The following PCDHA4 variants were observed in gnomAD, a reference collection of about 807,000 sequenced individuals.
PCDHA4 encodes the protein protocadherin alpha-4.
In PCDHA4, 49 loss-of-function variants were observed where a neutral mutation model predicts 61.4. The ratio of observed to expected loss-of-function variants is 0.80; its 90% CI spans 0.63 to 1.01. The LOEUF is 1.01. Among genes scored for constraint, PCDHA4 ranks in the 50% least tolerant of loss-of-function variants. The pLI, the probability that PCDHA4 is intolerant of heterozygous loss-of-function variation, is 0.00. For missense variants in PCDHA4, 1,254 were observed against 1,235.8 expected (o/e 1.01, Z -0.22); for synonymous variants, 590 against 550.3 (o/e 1.07, Z -1.01).
intron 1 of PCDHA4, among the ~76,000 whole-genome samples, chr5:140,831,530 T>C (rs1204695597): frequency 6.7e-6 from 1 of 150,262 alleles, no homozygotes; most frequent in Non-Finnish European, 1.5e-5. Flanking sequence ...CTTTTTTTTT[T>C]TTTTTTTTTT....
At chr5:140,870,502 A>G (rs781840750) in intron 1 of PCDHA4, 15 of 1,614,222 alleles carry the variant, frequency 9.3e-6, no homozygotes, top group Non-Finnish European at 1.2e-5. Context: ...GAAGGAGAAC[A>G]ACCCACCAGG....
chr5:140,882,174 CG>C, intron 1 of PCDHA4: 1 of 1,514,752 alleles, frequency 6.6e-7, no homozygotes, highest in South Asian at 1.4e-5. Flanking sequence ...CGAATCCTTC[CG>C]CACTAGGAAG....
At chr5:140,843,104 C>G (rs1327692669) in intron 1 of PCDHA4, 6 of 1,595,598 alleles carry the variant, frequency 3.8e-6, no homozygotes, top group Non-Finnish European at 4.3e-6. Context: ...AGCGAAGGTG[C>G]GCGCAGTGGA....
intron 1 of PCDHA4, among the ~76,000 whole-genome samples, chr5:140,821,284 T>C (rs2150109169): frequency 6.6e-6 from 1 of 152,282 alleles, no homozygotes; most frequent in African/African-American, 2.4e-5. Context: ...TGGAAATATA[T>C]AAACTCCTCC....
At chr5:140,975,326 G>A (rs901942738) in intron 1 of PCDHA4, among the ~76,000 whole-genome samples, 2 of 152,216 alleles carry the variant, frequency 1.3e-5, no homozygotes, top group Non-Finnish European at 2.9e-5. Flanking sequence ...GTCCCATCCA[G>A]ATGATCTCCC....
chr5:140,978,217 A>G (rs1554239114), intron 1 of PCDHA4, among the ~76,000 whole-genome samples: 2 of 152,222 alleles, frequency 1.3e-5, no homozygotes, highest in East Asian at 1.9e-4. Flanking sequence ...TGCAAAATGT[A>G]TCAGGTTTTT....
intron 1 of PCDHA4, among the ~76,000 whole-genome samples, chr5:140,871,854 A>C (rs1271399215): frequency 6.6e-6 from 1 of 152,254 alleles, no homozygotes; most frequent in African/African-American, 2.4e-5. Context: ...TATGACCATA[A>C]TAACTATGGA....
At chr5:140,913,997 A>G (rs2076553878) in intron 1 of PCDHA4, among the ~76,000 whole-genome samples, 1 of 152,170 alleles carries the variant, frequency 6.6e-6, no homozygotes, top group Admixed American at 6.5e-5. Flanking sequence ...TGACTAGCAT[A>G]TGGTCTATCT....
At chr5:140,957,852 AT>A (rs5871756) in intron 1 of PCDHA4, among the ~76,000 whole-genome samples, 2 of 151,658 alleles carry the variant, frequency 1.3e-5, no homozygotes, top group African/African-American at 2.4e-5. Context: ...GAGTTTGTGT[AT>A]TTTTTTTCCT....
At chr5:140,857,712 T>C (rs781941638) in intron 1 of PCDHA4, 3 of 1,597,298 alleles carry the variant, frequency 1.9e-6, no homozygotes, top group Admixed American at 1.7e-5. Context: ...GTGTTCGTGC[T>C]GGACGAGAAC....
intron 1 of PCDHA4, chr5:140,883,145 T>C (rs2059462627): frequency 6.2e-7 from 1 of 1,613,988 alleles, no homozygotes; most frequent in Admixed American, 1.7e-5. Context: ...GGTATATGCA[T>C]TTACCATAAA....
rs1236174883 is a variant in PCDHA4 at position 140,948,633 on chromosome 5, C to T, written c.2386-30316C>T. Among the ~76,000 whole-genome samples the T allele has an allele frequency of 2.6e-5, 4 of 151,768 alleles. No individual in the cohort carries two copies. The East Asian group carries it at 7.7e-4, about 29-fold the overall frequency. ...GGCACAAAGTTGTTAATAATATTCTCTCATCTTTTAACGTCTGTATAATCT... is the reference window on the plus strand; with the variant it reads ...GGCACAAAGTTGTTAATAATATTCTTTCATCTTTTAACGTCTGTATAATCT... On this transcript the variant is annotated intron_variant, in intron 1 of 3. Transcript: ENST00000530339.
chr5:140,810,442 A>T (rs372953420), intron 1 of PCDHA4: 3 of 152,218 alleles, frequency 2.0e-5, no homozygotes, highest in Non-Finnish European at 4.4e-5. Context: ...ACCTGTTTAC[A>T]TTCCTAGTAG....
intron 1 of PCDHA4, among the ~76,000 whole-genome samples, chr5:140,951,776 T>C (rs1301757181): frequency 2.6e-5 from 4 of 152,140 alleles, no homozygotes; most frequent in East Asian, 1.9e-4. Context: ...CGTTCTTACA[T>C]TGCAAAATAC....
intron 1 of PCDHA4, chr5:140,967,270 C>G (rs782562333): frequency 6.2e-7 from 1 of 1,613,488 alleles, no homozygotes; most frequent in Non-Finnish European, 8.5e-7. Context: ...CGCGCTTTCA[C>G]ATAGAGAGTG....
rs781959040 is a variant in PCDHA4 at position 140,968,057 on chromosome 5, C to A, written c.2386-10892C>A. 2.5e-6 allele frequency: 4 copies of A among 1,613,992 alleles called. 1 individual carries two copies. Among genetic ancestry groups the A allele is most frequent in the South Asian group, 2.2e-5 (2 of 91,082 alleles). ...GGTGAGCGGCCCACTGGACCGAGAGCGGGTGGCTGTCTACAACATCACGGT... is the reference window on the plus strand; with the variant it reads ...GGTGAGCGGCCCACTGGACCGAGAGAGGGTGGCTGTCTACAACATCACGGT... On this transcript the variant is annotated intron_variant, in intron 1 of 3. Transcript: ENST00000530339.
intron 1 of PCDHA4, chr5:140,855,922 T>G: frequency 8.1e-7 from 1 of 1,227,842 alleles, no homozygotes; most frequent in South Asian, 1.5e-5. Flanking sequence ...GACTAGGAAG[T>G]AGCGTCATTC....
At chr5:140,882,408 G>T in intron 1 of PCDHA4, 2 of 1,614,138 alleles carry the variant, frequency 1.2e-6, no homozygotes, top group Non-Finnish European at 8.5e-7. Flanking sequence ...TTCGTGGGCC[G>T]CATCGCTCAG....
rs200121350 is a variant in PCDHA4 at position 140,876,941 on chromosome 5, T to C, written c.2385+67369T>C. The C allele has an allele frequency of 7.9e-5, 128 of 1,613,666 alleles. No individual in the cohort carries two copies. The Middle Eastern group carries it at 1.4e-3, about 17-fold the overall frequency. ...GCGGACGCGCAGAAGAACGCGCTGGTGTCCTACTCGCTGGTGGAGCGGCGG... is the reference window on the plus strand; with the variant it reads ...GCGGACGCGCAGAAGAACGCGCTGGCGTCCTACTCGCTGGTGGAGCGGCGG... On this transcript the variant is annotated intron_variant, in intron 1 of 3. Coordinates refer to ENST00000530339, the MANE Select transcript of PCDHA4 (RefSeq NM_018907.4).
Sources: gnomAD v4.1 joint callset for allele counts (sites outside exome capture counted in the v4.1 genomes callset) on GRCh38, gnomAD v4.1.1 for gene constraint, MANE v1.5 for transcripts, NCBI Gene and HGNC (gene_info 2026-07-23, HGNC 2026-07-21) for gene names.